Variants in NRIP1 observed in about 807,000 individuals in gnomAD.
The protein encoded by NRIP1 is nuclear receptor-interacting protein 1.
A neutral mutation model predicts 75.0 loss-of-function variants in NRIP1; 28 were observed. That is an observed-to-expected ratio of 0.37 (90% CI 0.28 to 0.51). The LOEUF (loss-of-function observed/expected upper bound fraction) is 0.51. NRIP1 is among the 20% of genes least tolerant of loss of function. NRIP1 has a pLI of 0.92. For synonymous variants in NRIP1, 526 were observed against 487.6 expected (o/e 1.08, Z -1.04); for missense variants, 1,435 against 1,343.7 (o/e 1.07, Z -1.06).
At chr21:15,030,702 C>CA (rs1464853530) in intron 2 of NRIP1, among the ~76,000 whole-genome samples, 1 of 152,100 alleles carries the variant, frequency 6.6e-6, no homozygotes, top group African/African-American at 2.4e-5. Context: ...GGGAGGAAAA[C>CA]ATGGAAGGAG....
chr21:15,017,261 T>C lies in NRIP1; in HGVS notation c.-457-2795A>G, dbSNP rs2088257499. Among the ~76,000 whole-genome samples the C allele has an allele frequency of 4.6e-5, 7 of 152,290 alleles. No individual in the cohort carries two copies. In the South Asian group the frequency reaches 1.5e-3, roughly 32 times the overall value. On this transcript the variant is annotated intron_variant, in intron 2 of 3. Coordinates refer to ENST00000318948, the MANE Select transcript of NRIP1 (RefSeq NM_003489.4). ...TTTTAGAGACGAGGATCTCGCTATG[T>C]TGCTCAGGCTGGTCTCAAACTCCTG...
chr21:15,044,129 C>T (rs556209747), intron 1 of NRIP1, among the ~76,000 whole-genome samples: 1 of 152,090 alleles, frequency 6.6e-6, no homozygotes, highest in Admixed American at 6.5e-5. Flanking sequence ...CACTACTCAT[C>T]TGTTTTTATT....
intron 3 of NRIP1, among the ~76,000 whole-genome samples, chr21:15,002,734 T>C (rs1203923236): frequency 1.3e-5 from 2 of 152,190 alleles, no homozygotes; most frequent in African/African-American, 4.8e-5. Flanking sequence ...AATTGTACTA[T>C]CCAGCGCAGT....
intron 3 of NRIP1, chr21:14,992,971 A>C (rs1220084597): frequency 1.3e-5 from 2 of 153,732 alleles, no homozygotes; most frequent in African/African-American, 4.8e-5. Flanking sequence ...TATAATAAAA[A>C]ATGGTCATTG....
At chr21:15,024,441 C>T (rs9982746) in intron 2 of NRIP1, among the ~76,000 whole-genome samples, 3,622 of 152,170 alleles carry the variant, frequency 0.024, 152 homozygotes, top group African/African-American at 0.081. Flanking sequence ...ACTAGGGAGG[C>T]TGAAGCAGGA....
chr21:15,002,320 G>A (rs546400944), intron 3 of NRIP1: 3 of 152,108 alleles, frequency 2.0e-5, no homozygotes, highest in South Asian at 2.1e-4. Flanking sequence ...CCCAGGTCCC[G>A]ACCAATACAA....
intron 3 of NRIP1, among the ~76,000 whole-genome samples, chr21:14,991,614 C>A (rs1208238355): frequency 6.6e-6 from 1 of 151,998 alleles, no homozygotes; most frequent in East Asian, 1.9e-4. Flanking sequence ...CTATTACCCA[C>A]AAAAAGGGAG....
At chr21:15,009,537 G>A (rs1214775873) in intron 3 of NRIP1, among the ~76,000 whole-genome samples, 1 of 152,172 alleles carries the variant, frequency 6.6e-6, no homozygotes, top group Admixed American at 6.5e-5. Flanking sequence ...TTTTAGTGAA[G>A]GTTCTCTACA....
At chr21:15,016,473 A>G (rs1453268516) in intron 2 of NRIP1, among the ~76,000 whole-genome samples, 1 of 152,000 alleles carries the variant, frequency 6.6e-6, no homozygotes, top group Non-Finnish European at 1.5e-5. Context: ...TTATCTACCA[A>G]CTCACTGAAA....
chr21:14,966,277 A>C lies in NRIP1; in HGVS notation c.1916T>G (p.Met639Arg), dbSNP rs1048775147. The C allele has an allele frequency of 4.3e-6, 7 of 1,614,010 alleles. No individual in the cohort carries two copies. The highest frequency in any genetic ancestry group is 5.9e-6 in the Non-Finnish European group (7 of 1,179,996). The change falls in exon 4 of 4, where the codon ATG becomes AGG. Residue 639 changes from methionine (M) to arginine (R), a missense_variant. Transcript: ENST00000318948. The part of the protein sequence containing the change: ...KLLQNLAQCG[M>R]QSSMSVEEQR... The stretch of plus-strand genomic sequence containing the variant: ...CTCTTCCACTGACATGGATGACTGC[A>C]TTCCACATTGTGCTAAATTTTGTAA...
At chr21:14,986,971 G>C (rs1172449093) in intron 3 of NRIP1, among the ~76,000 whole-genome samples, 2 of 152,128 alleles carry the variant, frequency 1.3e-5, no homozygotes, top group Non-Finnish European at 2.9e-5. Context: ...TTTAAAGGTT[G>C]GGAGGCAGTT....
chr21:14,978,352 T>C (rs984195024), intron 3 of NRIP1, among the ~76,000 whole-genome samples: 16 of 152,214 alleles, frequency 1.1e-4, no homozygotes, highest in Non-Finnish European at 1.8e-4. Context: ...CCAATATGTT[T>C]TACTGTCTTT....
At chr21:15,038,384 G>A (rs1000009610) in intron 2 of NRIP1, among the ~76,000 whole-genome samples, 2 of 151,846 alleles carry the variant, frequency 1.3e-5, no homozygotes, top group African/African-American at 4.8e-5. Flanking sequence ...AGGAAATTTG[G>A]AAAAATTACT....
At chr21:15,026,457 A>G (rs1300417728) in intron 2 of NRIP1, among the ~76,000 whole-genome samples, 1 of 152,242 alleles carries the variant, frequency 6.6e-6, no homozygotes, top group Non-Finnish European at 1.5e-5. Flanking sequence ...AACTGGTCTG[A>G]TAACATTGGA....
At chr21:15,056,493 G>C (rs1287732723) in intron 1 of NRIP1, among the ~76,000 whole-genome samples, 1 of 151,974 alleles carries the variant, frequency 6.6e-6, no homozygotes, top group Non-Finnish European at 1.5e-5. Context: ...CATAGATTCA[G>C]TGTATTTTAA....
chr21:15,040,214 A>C (rs1365956946), intron 2 of NRIP1, among the ~76,000 whole-genome samples: 2 of 152,112 alleles, frequency 1.3e-5, no homozygotes, highest in African/African-American at 4.8e-5. Flanking sequence ...ATTATTTTTC[A>C]ATGCAAAATA....
At position 14,970,110 on chromosome 21, in the gene NRIP1, C is replaced by A. The variant is rs190079677; in HGVS notation, c.-334-1584G>T. ...CCAGCTAAACACTACTTTTCTCCCC[C>A]CTCTGGTTATATTTTACAATTGATG... On this transcript the variant is annotated intron_variant, in intron 3 of 3. Coordinates refer to ENST00000318948, the MANE Select transcript of NRIP1 (RefSeq NM_003489.4). Among the ~76,000 whole-genome samples, 501 of 152,256 alleles carry A rather than the reference C, an allele frequency of 3.3e-3. 1 individual carries two copies. Among genetic ancestry groups the A allele is most frequent in the African/African-American group, 0.011 (458 of 41,544 alleles).
chr21:15,046,269 C>T (rs970712430), intron 1 of NRIP1, among the ~76,000 whole-genome samples: 4 of 152,164 alleles, frequency 2.6e-5, no homozygotes, highest in African/African-American at 9.7e-5. Flanking sequence ...CTCCTTGATC[C>T]ACAGGCTACA....
At chr21:15,005,219 T>A (rs900181925) in intron 3 of NRIP1, among the ~76,000 whole-genome samples, 4 of 152,162 alleles carry the variant, frequency 2.6e-5, no homozygotes, top group Admixed American at 6.5e-5. Context: ...TCTCTTTAAA[T>A]AATTTAAATC....
Sources: allele counts gnomAD v4.1 joint callset (sites outside exome capture counted in the v4.1 genomes callset), GRCh38; gene constraint gnomAD v4.1.1; transcripts MANE v1.5; gene names NCBI Gene and HGNC (gene_info 2026-07-23, HGNC 2026-07-21).